Variants in DMD observed in about 807,000 individuals in gnomAD.
The protein encoded by DMD is dystrophin.
In DMD, 63 loss-of-function variants were observed where a neutral mutation model predicts 330.1. The ratio of observed to expected loss-of-function variants is 0.19; its 90% CI spans 0.16 to 0.24. DMD has a LOEUF of 0.24. Ranked by LOEUF, DMD falls within the 10% of genes least tolerant of loss-of-function variation. The pLI is 1.00. For missense variants in DMD, 3,344 were observed against 2,684.1 expected (o/e 1.25, Z -5.43); for synonymous variants, 1,223 against 959.8 (o/e 1.27, Z -5.07).
intron 1 of DMD, among the ~76,000 whole-genome samples, chrX:33,330,985 C>G (rs1489008273): frequency 8.9e-6 from 1 of 111,931 alleles, no homozygotes; most frequent in African/African-American, 3.2e-5. Flanking sequence ...AAATATTTTT[C>G]TCTTCTCATC....
rs1253484561 is a variant in DMD at position 32,347,221 on chromosome X, TG to T, written c.5449-1142del. On this transcript the variant is annotated intron_variant, in intron 38 of 78. Transcript: ENST00000357033. ...ATAGACACATCATATACTTATAGTC[TG>T]TAAAAGACTTTACTTATTTTAAAAG... Among the ~76,000 whole-genome samples the T allele has an allele frequency of 4.5e-5, 5 of 111,618 alleles. No individual in the cohort carries two copies. The East Asian group carries it at 1.4e-3, about 31-fold the overall frequency.
chrX:32,768,624 T>G (rs1021402757), intron 7 of DMD, among the ~76,000 whole-genome samples: 29 of 112,257 alleles, frequency 2.6e-4, no homozygotes, highest in African/African-American at 9.4e-4. Flanking sequence ...TCCATTAAAT[T>G]TACTGACATT....
At chrX:32,372,280 C>A (rs1356233997) in intron 34 of DMD, among the ~76,000 whole-genome samples, 1 of 111,839 alleles carries the variant, frequency 8.9e-6, no homozygotes, top group Non-Finnish European at 1.9e-5. Flanking sequence ...ATGTGTCAGG[C>A]AATATCTTAT....
intron 7 of DMD, among the ~76,000 whole-genome samples, chrX:32,744,494 A>G (rs1436027935): frequency 1.8e-5 from 2 of 111,276 alleles, no homozygotes; most frequent in African/African-American, 3.3e-5. Context: ...CCTCCTTTTT[A>G]AGGTTCAGAT....
chrX:33,079,585 A>G (rs1417294581), intron 1 of DMD, among the ~76,000 whole-genome samples: 1 of 111,786 alleles, frequency 8.9e-6, no homozygotes, highest in African/African-American at 3.3e-5. Flanking sequence ...CATATTTGAC[A>G]ATGTTTCCTG....
At chrX:33,007,075 C>A (rs1474594344) in intron 2 of DMD, among the ~76,000 whole-genome samples, 1 of 110,631 alleles carries the variant, frequency 9.0e-6, no homozygotes, top group Non-Finnish European at 1.9e-5. Flanking sequence ...ACTACATTAT[C>A]CTCTAACTCA....
At chrX:32,218,518 A>G (rs928972485) in intron 43 of DMD, among the ~76,000 whole-genome samples, 1 of 111,808 alleles carries the variant, frequency 8.9e-6, no homozygotes, top group Non-Finnish European at 1.9e-5. Flanking sequence ...GAATACCATG[A>G]TATCTTTTCA....
chrX:33,301,603 C>G (rs190900925), intron 1 of DMD, among the ~76,000 whole-genome samples: 2 of 111,668 alleles, frequency 1.8e-5, no homozygotes, highest in East Asian at 2.8e-4. Context: ...ATTAATTGTT[C>G]GCAGTTCTGT....
chrX:31,875,452 G>T, intron 47 of DMD, 79 bp from the exon 48 acceptor site: 14 of 758,040 alleles, frequency 1.8e-5, no homozygotes, highest in Non-Finnish European at 2.7e-5. Flanking sequence ...ATTTTCAAAA[G>T]TTATTTATCA....
At chrX:33,075,645 T>C (rs1170402666) in intron 1 of DMD, among the ~76,000 whole-genome samples, 1 of 112,437 alleles carries the variant, frequency 8.9e-6, no homozygotes, top group African/African-American at 3.2e-5. Context: ...TGGGATATCT[T>C]AGATGTTTTG....
At position 32,345,983 on chromosome X, in the gene DMD, A is replaced by T. The variant is rs1299604960; in HGVS notation, c.5546T>A (p.Ile1849Lys). ...TDERKREEIK[I>K]KQQLLQTKHN... ...TTTTGTCTGTAACAGCTGCTGTTTT[A>T]TCTTTATTTCCTCTCGCTTTCTCTC... The change falls in exon 39 of 79, where the codon ATA becomes AAA. Residue 1849 changes from isoleucine to lysine, a missense_variant. Physicochemically the swap from Ile to Lys is moderately radical, Grantham distance 102 (BLOSUM62 -3). Transcript: ENST00000357033. 8.3e-7 allele frequency: 1 copy of T among 1,208,983 alleles called. No homozygotes were observed. The highest frequency in any genetic ancestry group is 1.8e-5 in the South Asian group (1 of 56,899).
At chrX:31,821,316 A>AT (rs1319302427) in intron 49 of DMD, among the ~76,000 whole-genome samples, 2 of 112,487 alleles carry the variant, frequency 1.8e-5, no homozygotes, top group Non-Finnish European at 3.8e-5. Flanking sequence ...AATAATTTGC[A>AT]TTTTTAACAA....
chrX:32,577,481 C>CA (rs2053189352), intron 13 of DMD, among the ~76,000 whole-genome samples: 1 of 112,249 alleles, frequency 8.9e-6, no homozygotes, highest in Non-Finnish European at 1.9e-5. Context: ...TAAAGAATTG[C>CA]AAATGTTAAA....
intron 26 of DMD, among the ~76,000 whole-genome samples, chrX:32,450,480 T>A (rs1260943337): frequency 9.0e-6 from 1 of 111,106 alleles, no homozygotes; most frequent in African/African-American, 3.3e-5. Context: ...TTGACTTTAG[T>A]AATTATAGTA....
intron 4 of DMD, among the ~76,000 whole-genome samples, chrX:32,838,056 C>G (rs183782243): frequency 9.0e-6 from 1 of 111,719 alleles, no homozygotes; most frequent in Non-Finnish European, 1.9e-5. Context: ...CAATCTTTTG[C>G]TGTTAAATAT....
Position 31,826,749 on chromosome X carries a change from C to G in DMD, c.7201-6666G>C, listed in dbSNP as rs1033936591. Among the ~76,000 whole-genome samples the G allele has an allele frequency of 2.7e-5, 3 of 112,033 alleles. No individual in the cohort carries two copies. In the Admixed American group the frequency reaches 2.8e-4, roughly 11 times the overall value. On this transcript the variant is annotated intron_variant, in intron 49 of 78. Transcript: ENST00000357033. The stretch of plus-strand genomic sequence containing the variant: ...CTTAAATCCCAACTTATTTAAATAG[C>G]GTATCAGTGGGATAATAGTTATCAA...
chrX:31,786,917 A>C (rs1198373095), intron 50 of DMD, among the ~76,000 whole-genome samples: 2 of 111,649 alleles, frequency 1.8e-5, no homozygotes, highest in Non-Finnish European at 3.8e-5. Context: ...TAGCAACAAT[A>C]CTTCTCAAAA....
intron 21 of DMD, among the ~76,000 whole-genome samples, chrX:32,476,050 G>A: frequency 9.0e-6 from 1 of 111,228 alleles, no homozygotes; most frequent in Non-Finnish European, 1.9e-5. Context: ...AAATGATTGT[G>A]TCTGAGATGT....
intron 43 of DMD, among the ~76,000 whole-genome samples, chrX:32,232,374 A>G (rs1384987653): frequency 9.0e-6 from 1 of 111,621 alleles, no homozygotes; most frequent in Non-Finnish European, 1.9e-5. Flanking sequence ...CTGTAAGGCT[A>G]ATTTTAGTTT....
Sources: allele counts gnomAD v4.1 joint callset (sites outside exome capture counted in the v4.1 genomes callset), GRCh38; gene constraint gnomAD v4.1.1; transcripts MANE v1.5; gene names NCBI Gene and HGNC (gene_info 2026-07-23, HGNC 2026-07-21).